The following ROS1 variants were observed in gnomAD, a reference collection of about 807,000 sequenced individuals.
The protein encoded by ROS1 is ROS proto-oncogene 1, receptor tyrosine kinase.
ROS1 carries 263 observed loss-of-function variants against 273.5 expected under a neutral mutation model. The observed-to-expected ratio is 0.96, with a 90% CI of 0.87 to 1.06. The LOEUF (loss-of-function observed/expected upper bound fraction) is 1.06. Among genes scored for constraint, ROS1 ranks in the 50% least tolerant of loss-of-function variants. ROS1 has a pLI of 0.00. For missense variants in ROS1, 2,833 were observed against 2,751.1 expected, an observed-to-expected ratio of 1.03 and a Z score of -0.67; for synonymous variants, 1,008 against 954.1, an observed-to-expected ratio of 1.06 and a Z score of -1.04.
At position 117,386,994 on chromosome 6, in the gene ROS1, C is replaced by T. The variant is rs767522283; in HGVS notation, c.2005G>A (p.Glu669Lys). The change falls in exon 15 of 44, where the codon GAA (glutamate) becomes AAA (lysine). Residue 669 changes from glutamate (E) to lysine (K), a missense_variant. Coordinates refer to ENST00000368507, the MANE Select transcript of ROS1 (RefSeq NM_001378902.1). ...TTCACAGCCATGATAAATGGTGGTT[C>T]ACTAGCTGTTTAGTAAAAAAGAAAT... Reference protein sequence around the residue: ...SVGTTLVPASEPPFIMAVKED... With the variant: ...SVGTTLVPASKPPFIMAVKED... 1.3e-6 allele frequency: 2 copies of T among 1,592,032 alleles called. No homozygotes were observed. The highest frequency in any genetic ancestry group is 1.7e-6 in the Non-Finnish European group (2 of 1,161,928).
chr6:117,319,995 G>A lies in ROS1; in HGVS notation c.5795C>T (p.Pro1932Leu), dbSNP rs2128559082. Residue 1932 changes from proline (P) to leucine (L), a missense_variant, in exon 37 of 44, where the codon CCT (proline) becomes CTT (leucine). Physicochemically the swap from Pro to Leu is moderately conservative, Grantham distance 98 (BLOSUM62 -3). Transcript: ENST00000368507. ...AGTCAGTTTTTCCCGAGGGAAGGCA[G>A]GAAGATTTTCAATCTCCTCTTGGGT... The part of the protein sequence containing the change: ...LPTQEEIENL[P>L]AFPREKLTLR... 2 of 1,613,276 alleles carry A rather than the reference G, an allele frequency of 1.2e-6. No homozygotes were observed. Among genetic ancestry groups the A allele is most frequent in the Non-Finnish European group, 1.7e-6 (2 of 1,179,526 alleles).
intron 1 of ROS1, among the ~76,000 whole-genome samples, chr6:117,423,304 T>C (rs896554867): frequency 3.9e-5 from 6 of 152,144 alleles, no homozygotes; most frequent in African/African-American, 1.2e-4. Flanking sequence ...CAATAACTTA[T>C]GGAAACATTA....
At chr6:117,358,066 G>T in intron 24 of ROS1, 57 bp from the exon 25 acceptor site, 1 of 1,217,570 alleles carries the variant, frequency 8.2e-7, no homozygotes, top group Non-Finnish European at 1.2e-6. Flanking sequence ...TTTATTTGAA[G>T]ACTTTTCTAT....
In ROS1 at chr6:117,360,363, C is replaced by A. The variant is rs777135627; in HGVS notation, c.3409G>T (p.Val1137Phe). ...ATACCTGATGTTGTAGACTTTACAA[C>A]GTCAGCATATGGTCCTGGCCCCTTA... ...TSKGPGPYAD[V>F]VKSTTSEINP... Residue 1137 changes from valine to phenylalanine, a missense_variant, in exon 23 of 44, where the codon GTT becomes TTT. By Grantham distance (50) the Val-to-Phe change is conservative. Transcript: ENST00000368507. The A allele has an allele frequency of 6.2e-7, 1 of 1,612,874 alleles. No individual in the cohort carries two copies. The highest frequency in any genetic ancestry group is 8.5e-7 in the Non-Finnish European group (1 of 1,179,606).
chr6:117,394,440 A>C, intron 10 of ROS1, 94 bp from the exon 11 acceptor site: 1 of 889,990 alleles, frequency 1.1e-6, no homozygotes, highest in Non-Finnish European at 1.5e-6. Flanking sequence ...ATGATTAATA[A>C]ATTAAAATAG....
intron 5 of ROS1, among the ~76,000 whole-genome samples, chr6:117,407,505 A>G (rs1298772095): frequency 2.0e-5 from 3 of 152,164 alleles, no homozygotes; most frequent in Non-Finnish European, 2.9e-5. Context: ...TACCTTCTGT[A>G]CCTTTTACAA....
chr6:117,410,517 A>C (rs1294866369), intron 4 of ROS1, among the ~76,000 whole-genome samples: 1 of 152,212 alleles, frequency 6.6e-6, no homozygotes, highest in East Asian at 1.9e-4. Flanking sequence ...ACAGTACATA[A>C]TTTGATGACT....
chr6:117,290,849 C>A (rs1309542355), intron 43 of ROS1, among the ~76,000 whole-genome samples: 3 of 152,152 alleles, frequency 2.0e-5, no homozygotes, highest in African/African-American at 7.2e-5. Flanking sequence ...TTAAAAAGTC[C>A]TTTCAATAGC....
intron 5 of ROS1, among the ~76,000 whole-genome samples, chr6:117,406,279 A>G (rs1774397771): frequency 6.6e-6 from 1 of 150,728 alleles, no homozygotes; most frequent in Non-Finnish European, 1.5e-5. Flanking sequence ...ATTAGCTATT[A>G]CCATTTTCCA....
intron 7 of ROS1, among the ~76,000 whole-genome samples, chr6:117,401,084 A>AT (rs1773895223): frequency 6.6e-6 from 1 of 152,248 alleles, no homozygotes; most frequent in Non-Finnish European, 1.5e-5. Flanking sequence ...AGCAACTTTG[A>AT]TTTTCCCATC....
At chr6:117,298,489 T>C (rs1774427925) in intron 43 of ROS1, among the ~76,000 whole-genome samples, 1 of 152,250 alleles carries the variant, frequency 6.6e-6, no homozygotes, top group South Asian at 2.1e-4. Flanking sequence ...TTTAATTTTA[T>C]GTATTGGCAA....
chr6:117,389,696 A>T lies in ROS1; in HGVS notation c.1440T>A (p.Asn480Lys). 1.9e-6 allele frequency: 3 copies of T among 1,614,194 alleles called. No homozygotes were observed. The highest frequency in any genetic ancestry group is 2.5e-6 in the Non-Finnish European group (3 of 1,180,030). Residue 480 changes from asparagine (N) to lysine (K), a missense_variant, in exon 13 of 44, where the codon AAT (asparagine) becomes AAA (lysine). Physicochemically the swap from Asn to Lys is moderately conservative, Grantham distance 94. Coordinates refer to ENST00000368507, the MANE Select transcript of ROS1 (RefSeq NM_001378902.1). ...KPQAKRIIYF[N>K]DTAQVFMSTF... is the part of the protein sequence containing the mutation. ...TTGACATGAAGACTTGGGCAGTGTC[A>T]TTGAAGTAAATGATTCGCTTGGCTT... is the stretch of plus-strand genomic sequence containing the variant.
In ROS1 at chr6:117,321,216, C is replaced by A. The variant is rs760214472; in HGVS notation, c.5759+43G>T. 1.9e-6 allele frequency: 3 copies of A among 1,600,208 alleles called. No individual in the cohort carries two copies. The South Asian group carries it at 3.4e-5, about 18-fold the overall frequency. On this transcript the variant is annotated intron_variant, in intron 36 of 43. Transcript: ENST00000368507. ...TAGGCACTCTCCTTACTGTTGCCCA[C>A]CCTTTGCCTAGGTGCTCCATAATGA...
chr6:117,333,634 T>C (rs1219774041), intron 32 of ROS1, among the ~76,000 whole-genome samples: 1 of 152,042 alleles, frequency 6.6e-6, no homozygotes, highest in Non-Finnish European at 1.5e-5. Context: ...AAAAAACATA[T>C]CCACCACGAA....
intron 4 of ROS1, among the ~76,000 whole-genome samples, chr6:117,410,324 G>T (rs1185861118): frequency 1.3e-5 from 2 of 152,174 alleles, no homozygotes; most frequent in African/African-American, 2.4e-5. Context: ...AAACTTTAGA[G>T]TAAAATGATG....
Position 117,396,930 on chromosome 6 carries a change from G to C in ROS1, c.791C>G (p.Pro264Arg). 2.5e-6 allele frequency: 4 copies of C among 1,611,846 alleles called. No individual in the cohort carries two copies. The highest frequency in any genetic ancestry group is 3.4e-6 in the Non-Finnish European group (4 of 1,177,984). Residue 264 changes from proline to arginine, a missense_variant, in exon 8 of 44, where the codon CCA becomes CGA. Transcript: ENST00000368507. The stretch of plus-strand genomic sequence containing the variant: ...TAATTCTTACCTGTAGATAGTATTT[G>C]GTAAAGTGGAGTAAAACTGGAAACT... Reference protein sequence around the residue: ...RTSFQFYSTLPNTIYRFSIAA... With the variant: ...RTSFQFYSTLRNTIYRFSIAA...
At chr6:117,383,715 T>C (rs1772343931) in intron 16 of ROS1, among the ~76,000 whole-genome samples, 1 of 152,232 alleles carries the variant, frequency 6.6e-6, no homozygotes, top group Non-Finnish European at 1.5e-5. Flanking sequence ...TCATGGGGCT[T>C]ATCTGTTTTC....
rs1038872900 is a variant in ROS1 at position 117,400,092 on chromosome 6, C to G, written c.605-2976G>C. On this transcript the variant is annotated intron_variant, in intron 7 of 43. Coordinates refer to ENST00000368507, the MANE Select transcript of ROS1 (RefSeq NM_001378902.1). ...TTCTTCCTGTATTCTATGCTTCCAG[C>G]AGATGGCATACTGACTAATTTCCCT... Among the ~76,000 whole-genome samples, 20 of 152,212 alleles carry G rather than the reference C, an allele frequency of 1.3e-4. 1 individual carries two copies. The highest frequency in any genetic ancestry group is 1.2e-3 in the Admixed American group (19 of 15,282).
chr6:117,316,939 C>T (rs1476424579), intron 39 of ROS1, among the ~76,000 whole-genome samples: 1 of 152,052 alleles, frequency 6.6e-6, no homozygotes, highest in Admixed American at 6.6e-5. Context: ...TAAAAACAGG[C>T]TCGGGCTCAC....
Sources: allele counts gnomAD v4.1 joint callset (sites outside exome capture counted in the v4.1 genomes callset), GRCh38; gene constraint gnomAD v4.1.1; transcripts MANE v1.5; gene names NCBI Gene and HGNC (gene_info 2026-07-23, HGNC 2026-07-21).